The following ABAT variants were observed in gnomAD, a reference collection of about 807,000 sequenced individuals.
ABAT encodes the protein 4-aminobutyrate aminotransferase, mitochondrial.
In ABAT, 45 loss-of-function variants were observed where a neutral mutation model predicts 64.6. That is an observed-to-expected ratio of 0.70 (90% CI 0.55 to 0.89). The LOEUF is 0.89. Ranked by LOEUF, ABAT falls within the 40% of genes least tolerant of loss-of-function variation. The pLI is 0.00. For synonymous variants in ABAT, 297 were observed against 250.5 expected (o/e 1.19, Z -1.75); for missense variants, 633 against 658.4 (o/e 0.96, Z 0.42).
intron 1 of ABAT, among the ~76,000 whole-genome samples, chr16:8,726,905 C>T (rs1387119819): frequency 6.6e-6 from 1 of 152,202 alleles, no homozygotes; most frequent in African/African-American, 2.4e-5. Flanking sequence ...GAGATGACAG[C>T]TCTTTGTAGT....
chr16:8,713,800 T>A (rs766419278), intron 1 of ABAT: 37 of 454,014 alleles, frequency 8.1e-5, no homozygotes, highest in Middle Eastern at 3.3e-4. Flanking sequence ...CTCTGCAGAA[T>A]GGCATACAGA....
chr16:8,767,918 C>T (rs536397981), intron 9 of ABAT, among the ~76,000 whole-genome samples: 7 of 152,054 alleles, frequency 4.6e-5, no homozygotes, highest in African/African-American at 1.7e-4. Flanking sequence ...TCCGATGATC[C>T]GCCTGCCTCA....
chr16:8,685,057 G>A (rs1031881929), intron 1 of ABAT, among the ~76,000 whole-genome samples: 61 of 152,102 alleles, frequency 4.0e-4, no homozygotes, highest in Non-Finnish European at 5.9e-5. Flanking sequence ...GGCCGAGGTG[G>A]ACAGATTGCT....
chr16:8,759,696 GGTTT>G (rs955225679), intron 6 of ABAT, among the ~76,000 whole-genome samples: 2 of 151,898 alleles, frequency 1.3e-5, no homozygotes, highest in Non-Finnish European at 2.9e-5. Flanking sequence ...GTTTTTTGTT[GGTTT>G]GTTTGTTGTT....
chr16:8,687,192 G>C (rs576944425), intron 1 of ABAT, among the ~76,000 whole-genome samples: 2 of 152,280 alleles, frequency 1.3e-5, no homozygotes, highest in African/African-American at 2.4e-5. Context: ...GCACTTGGCC[G>C]CCTGCCCTCC....
chr16:8,779,595 G>C lies in ABAT; in HGVS notation c.1381+5G>C, dbSNP rs1436381666. 4 of 1,611,800 alleles carry C rather than the reference G, an allele frequency of 2.5e-6. No homozygotes were observed. Among genetic ancestry groups the C allele is most frequent in the Non-Finnish European group, 1.7e-6 (2 of 1,178,310 alleles). On this transcript the variant is annotated splice_donor_5th_base_variant and intron_variant, in intron 15 of 15. Coordinates refer to ENST00000268251, the MANE Select transcript of ABAT (RefSeq NM_020686.6). The stretch of plus-strand genomic sequence containing the variant: ...TTTTAATTGCCAGAAACAAAGGTAA[G>C]GGGTCAGGAGTGGCTGCTGAGTTTC...
chr16:8,771,476 T>C (rs2060107327), intron 11 of ABAT, among the ~76,000 whole-genome samples: 2 of 150,514 alleles, frequency 1.3e-5, no homozygotes, highest in Admixed American at 1.3e-4. Flanking sequence ...TTCTTTTTTT[T>C]TTTTTTTTGA....
At chr16:8,677,168 G>T (rs181396650) in intron 1 of ABAT, among the ~76,000 whole-genome samples, 159 of 152,324 alleles carry the variant, frequency 1.0e-3, no homozygotes, top group African/African-American at 3.2e-3. Flanking sequence ...GGGGTAAAAT[G>T]AGTTAATCCT....
intron 1 of ABAT, among the ~76,000 whole-genome samples, chr16:8,723,242 TAA>T (rs775295751): frequency 8.7e-4 from 132 of 151,974 alleles, no homozygotes; most frequent in Non-Finnish European, 1.4e-3. Flanking sequence ...CTCAAAAAAA[TAA>T]AGAGAGGAAG....
Position 8,756,589 on chromosome 16 carries a change from G to C in ABAT, c.317-1168G>C, listed in dbSNP as rs1748400427. Among the ~76,000 whole-genome samples, 3 of 152,106 alleles carry C rather than the reference G, an allele frequency of 2.0e-5. 1 individual carries two copies. The South Asian group carries it at 6.2e-4, about 31-fold the overall frequency. ...TCAATTCCTCTCTCAGAAGCAACCT[G>C]CTTCTTCTAGAGAGATACTCAGTGC... On this transcript the variant is annotated intron_variant, in intron 5 of 15. Transcript: ENST00000268251.
chr16:8,754,737 A>G (rs1268008567), intron 5 of ABAT, among the ~76,000 whole-genome samples: 1 of 143,920 alleles, frequency 6.9e-6, no homozygotes, highest in Non-Finnish European at 1.5e-5. Flanking sequence ...TTTTTTCTTG[A>G]AAACGGAGTC....
At position 8,681,458 on chromosome 16, in the gene ABAT, C is replaced by CTTTT. The variant is rs34327953; in HGVS notation, c.-42+6760_-42+6763dup. 2.0e-3 allele frequency among the ~76,000 whole-genome samples: 267 copies of CTTTT among 133,696 alleles called. 2 individuals carry two copies. Among genetic ancestry groups the CTTTT allele is most frequent in the African/African-American group, 6.9e-3 (246 of 35,694 alleles). The allele number at this position is 133,696 out of a possible 152,430, so 87.7% of individuals were successfully genotyped here. ...ACTGCAAAGTTTCTCAGCCTCTACA[C>CTTTT]TTTTTTTTTTTTTTTTGAGAGGGAG... On this transcript the variant is annotated intron_variant, in intron 1 of 15. Transcript: ENST00000268251.
intron 1 of ABAT, among the ~76,000 whole-genome samples, chr16:8,690,524 A>C (rs1160134496): frequency 1.3e-5 from 2 of 152,196 alleles, no homozygotes; most frequent in African/African-American, 4.8e-5. Context: ...AGTGAGTCAT[A>C]CTCATCAGGA....
Position 8,764,660 on chromosome 16 carries a change from G to T in ABAT, c.448-78G>T, listed in dbSNP as rs764807721. On this transcript the variant is annotated intron_variant, in intron 7 of 15. Transcript: ENST00000268251. The surrounding 1 kb of genome is among the most constrained non-coding windows in gnomAD (Gnocchi z 4.2). The stretch of plus-strand genomic sequence containing the variant: ...CTGTCCCCGGTACGGCCCCTGCGAA[G>T]ATTCAGCTCCAGCCAGGGGAAGCGG... The T allele has an allele frequency of 1.7e-5, 24 of 1,379,716 alleles. No individual in the cohort carries two copies. Among genetic ancestry groups the T allele is most frequent in the Non-Finnish European group, 2.4e-5 (23 of 968,618 alleles). 85.5% of individuals were successfully genotyped at this position (1,379,716 alleles called of 1,614,324 possible).
intron 1 of ABAT, among the ~76,000 whole-genome samples, chr16:8,729,828 T>A (rs369603363): frequency 1.2e-4 from 16 of 128,426 alleles, no homozygotes; most frequent in Non-Finnish European, 1.6e-4. Flanking sequence ...TTTTTTGTCT[T>A]AAAAAAAAAA....
intron 1 of ABAT, among the ~76,000 whole-genome samples, chr16:8,710,408 C>T (rs920211984): frequency 2.6e-5 from 4 of 151,924 alleles, no homozygotes; most frequent in Admixed American, 6.6e-5. Context: ...GACATTTGAC[C>T]TTCAGAATGA....
rs761184958 is a variant in ABAT at position 8,774,982 on chromosome 16, A to T, written c.1047A>T (p.Pro349=). ...WAHEHWGLDD[P]ADVMTFSKKM... ...ATGAGCACTGGGGCCTGGATGACCCAGCAGACGTGATGACCTTCAGCAAGA... is the reference window on the plus strand; with the variant it reads ...ATGAGCACTGGGGCCTGGATGACCCTGCAGACGTGATGACCTTCAGCAAGA... The change falls in exon 13 of 16, where the codon CCA becomes CCT. Residue 349 remains proline, a synonymous_variant. Coordinates refer to ENST00000268251, the MANE Select transcript of ABAT (RefSeq NM_020686.6). 6.8e-6 allele frequency: 11 copies of T among 1,614,114 alleles called. No individual in the cohort carries two copies. Among genetic ancestry groups the T allele is most frequent in the Non-Finnish European group, 9.3e-6 (11 of 1,180,052 alleles).
At chr16:8,751,233 G>C (rs1259812393) in intron 5 of ABAT, among the ~76,000 whole-genome samples, 1 of 152,114 alleles carries the variant, frequency 6.6e-6, no homozygotes, top group Non-Finnish European at 1.5e-5. Context: ...ACAGGTGTGA[G>C]CCACTATACC....
intron 5 of ABAT, among the ~76,000 whole-genome samples, chr16:8,750,801 A>G (rs1303117225): frequency 6.6e-6 from 1 of 152,182 alleles, no homozygotes; most frequent in Non-Finnish European, 1.5e-5. Context: ...AGGTAAACAA[A>G]GCATAGAAAG....
Sources: gnomAD v4.1 joint callset for allele counts (sites outside exome capture counted in the v4.1 genomes callset) on GRCh38, gnomAD v4.1.1 for gene constraint, Gnocchi (gnomAD v3.1) non-coding constraint, MANE v1.5 for transcripts, NCBI Gene and HGNC (gene_info 2026-07-23, HGNC 2026-07-21) for gene names.